BRF2: variants seen among roughly 807,000 people sequenced by gnomAD.
The protein encoded by BRF2 is transcription factor IIIB 50 kDa subunit.
A neutral mutation model predicts 26.6 loss-of-function variants in BRF2; 17 were observed. The ratio of observed to expected loss-of-function variants is 0.64; its 90% CI spans 0.44 to 0.96. The LOEUF is 0.96. BRF2 is among the 40% of genes least tolerant of loss of function. The pLI is 0.00. For missense variants in BRF2, 515 were observed against 537.0 expected (o/e 0.96, Z 0.40); for synonymous variants, 219 against 226.6 (o/e 0.97, Z 0.30).
intron 2 of BRF2, among the ~76,000 whole-genome samples, chr8:37,848,395 T>C (rs1806003915): frequency 6.6e-6 from 1 of 152,042 alleles, no homozygotes; most frequent in Non-Finnish European, 1.5e-5. Context: ...TACAGGTACA[T>C]GCCACCATGC....
rs1375314767 is a variant in BRF2, at chr8:37,844,866, T to C, written c.884A>G (p.Lys295Arg). 5 of 1,614,196 alleles carry C rather than the reference T, an allele frequency of 3.1e-6. 1 individual carries two copies. The South Asian group carries it at 5.5e-5, about 18-fold the overall frequency. Reference protein sequence around the residue: ...VLRLDKRSVVKHIGDLLQHRQ... With the variant: ...VLRLDKRSVVRHIGDLLQHRQ... ...GTGCTGGAGAAGGTCACCGATGTGC[T>C]TCACCACAGACCGTTTGTCAAGTCT... The change falls in exon 4 of 4, where the codon AAG (lysine) becomes AGG (arginine). Residue 295 changes from lysine (K) to arginine (R), a missense_variant. Coordinates refer to ENST00000220659, the MANE Select transcript of BRF2 (RefSeq NM_018310.4).
At chr8:37,845,888 CAG>C (rs1805947290) in intron 3 of BRF2, 2 of 577,740 alleles carry the variant, frequency 3.5e-6, no homozygotes, top group Non-Finnish European at 6.1e-6. Context: ...CCTGCTGAGA[CAG>C]AGCTGGGCAT....
At chr8:37,849,305 A>T (rs1806021380) in intron 1 of BRF2, among the ~76,000 whole-genome samples, 1 of 152,232 alleles carries the variant, frequency 6.6e-6, no homozygotes, top group African/African-American at 2.4e-5. Flanking sequence ...TTGTGCTTAA[A>T]ACTATTTCAG....
Position 37,848,597 on chromosome 8 carries a change from T to C in BRF2, c.213A>G (p.Arg71=). 2 of 1,614,054 alleles carry C rather than the reference T, an allele frequency of 1.2e-6. No individual in the cohort carries two copies. Among genetic ancestry groups the C allele is most frequent in the South Asian group, 2.2e-5 (2 of 91,082 alleles). Residue 71 remains arginine, a splice_region_variant and synonymous_variant, in exon 2 of 4, where the codon CGA becomes CGG. Transcript: ENST00000220659. The stretch of plus-strand genomic sequence containing the variant: ...GTGTTGTAAAAGGTCAATTCTCACC[T>C]CGTTGCTGGCTGCGACTAACTTGTT... ...ENEQVSRSQQ[R]GLRRVRDLCR... is the part of the protein sequence containing the mutation.
In BRF2 at chr8:37,849,810, A is replaced by C. The variant is rs763864692; in HGVS notation, c.-27T>G. On this transcript the variant is annotated 5_prime_UTR_variant, in exon 1 of 4. Transcript: ENST00000220659. The stretch of plus-strand genomic sequence containing the variant: ...TCACAACCGGCCCCAAAGCCGCGGA[A>C]GCCTTCAGAGACTCCTGGGTCTGCA... 10 of 1,583,234 alleles carry C rather than the reference A, an allele frequency of 6.3e-6. No homozygotes were observed. The highest frequency in any genetic ancestry group is 1.8e-5 in the Admixed American group (1 of 55,900).
At chr8:37,845,312 C>T in intron 3 of BRF2, 99 bp from the exon 4 acceptor site, 5 of 940,420 alleles carry the variant, frequency 5.3e-6, no homozygotes, top group Non-Finnish European at 8.3e-6. Context: ...GCTATTCTGC[C>T]CTCAGGAATA....
In BRF2 at chr8:37,844,553, A is replaced by G; in HGVS notation, c.1197T>C (p.Val399=). The G allele has an allele frequency of 6.2e-7, 1 of 1,613,950 alleles. No individual in the cohort carries two copies. Among genetic ancestry groups the G allele is most frequent in the East Asian group, 2.2e-5 (1 of 44,876 alleles). ...CAGCCTGGGCTCTCTGAAAGTCCCTAACTTCCTGAGGGGTACGCAAATACT... is the reference window on the plus strand; with the variant it reads ...CAGCCTGGGCTCTCTGAAAGTCCCTGACTTCCTGAGGGGTACGCAAATACT... ...IEQYLRTPQE[V]RDFQRAQAAR... is the part of the protein sequence containing the mutation. The change falls in exon 4 of 4, where the codon GTT becomes GTC. Residue 399 remains valine (V), a synonymous_variant. Transcript: ENST00000220659.
chr8:37,845,882 C>T, intron 3 of BRF2: 1 of 582,448 alleles, frequency 1.7e-6, no homozygotes, highest in East Asian at 2.9e-5. Flanking sequence ...GATGATCCTG[C>T]TGAGACAGAG....
chr8:37,849,446 A>G (rs1806023280), intron 1 of BRF2, among the ~76,000 whole-genome samples, 184 bp downstream of exon 1: 1 of 152,224 alleles, frequency 6.6e-6, no homozygotes, highest in African/African-American at 2.4e-5. Context: ...CCCGATACTA[A>G]GTGCTGGGAA....
chr8:37,847,372 G>A, intron 2 of BRF2, 197 bp from the exon 3 acceptor site: 1 of 686,302 alleles, frequency 1.5e-6, no homozygotes, highest in South Asian at 1.5e-5. Flanking sequence ...GTGTAAAGAA[G>A]TCACATTTCA....
At chr8:37,847,232 T>C (rs968792767) in intron 2 of BRF2, 57 bp from the exon 3 acceptor site, 1 of 1,504,916 alleles carries the variant, frequency 6.6e-7, no homozygotes, top group African/African-American at 1.4e-5. Context: ...GTGCAACTCC[T>C]AGAAAATTCT....
chr8:37,846,783 G>T, intron 3 of BRF2, 71 bp downstream of exon 3: 3 of 1,107,306 alleles, frequency 2.7e-6, no homozygotes, highest in Non-Finnish European at 3.9e-6. Context: ...AAAAGAGATG[G>T]CCAAAGGTCA....
chr8:37,849,584 T>C (rs1249828618), intron 1 of BRF2, 46 bp downstream of exon 1: 1 of 1,516,796 alleles, frequency 6.6e-7, no homozygotes, highest in East Asian at 2.3e-5. Context: ...AGGAATCTGA[T>C]GTTAATCCCT....
intron 2 of BRF2, among the ~76,000 whole-genome samples, chr8:37,847,636 T>C (rs1314512517): frequency 6.6e-6 from 1 of 152,170 alleles, no homozygotes; most frequent in Non-Finnish European, 1.5e-5. Context: ...TTTAAGTGAT[T>C]CTCCTGCCTC....
Position 37,849,738 on chromosome 8 carries a change from C to T in BRF2, c.46G>A (p.Val16Met), listed in dbSNP as rs760476043. 6.2e-7 allele frequency: 1 copy of T among 1,613,390 alleles called. No individual in the cohort carries two copies. Among genetic ancestry groups the T allele is most frequent in the Non-Finnish European group, 8.5e-7 (1 of 1,179,962 alleles). Residue 16 changes from valine (V) to methionine (M), a missense_variant, in exon 1 of 4, where the codon GTG becomes ATG. Transcript: ENST00000220659. ...RCPDCGSTELVEDSHYSQSQL... is the reference protein window; with the variant it reads ...RCPDCGSTELMEDSHYSQSQL... ...CTCTGCGAATAGTGCGAGTCTTCCA[C>T]CAGCTCCGTGGAGCCGCAGTCCGGG...
intron 3 of BRF2, among the ~76,000 whole-genome samples, chr8:37,846,483 G>A (rs1043459813): frequency 7.9e-5 from 12 of 151,984 alleles, no homozygotes; most frequent in African/African-American, 2.4e-4. Flanking sequence ...GGCCGGGTGC[G>A]GTGGCTCACG....
At position 37,845,208 on chromosome 8, in the gene BRF2, T is replaced by A; in HGVS notation, c.542A>T (p.Lys181Ile). 6.2e-7 allele frequency: 1 copy of A among 1,607,750 alleles called. No homozygotes were observed. Among genetic ancestry groups the A allele is most frequent in the Non-Finnish European group, 8.5e-7 (1 of 1,175,346 alleles). ...ELVKTYCSSF[K>I]LFQASPSVPA... is the part of the protein sequence containing the mutation. ...CACAGAAGGTGAAGCTTGGAACAGT[T>A]TGAAGCTGAAATAACCAAAATGAGG... is the stretch of plus-strand genomic sequence containing the variant. The change falls in exon 4 of 4, where the codon AAA becomes ATA. Residue 181 changes from lysine to isoleucine, a missense_variant. Lys to Ile is a moderately radical substitution (Grantham distance 102). Transcript: ENST00000220659.
rs1392978419 is a variant in BRF2, at chr8:37,844,416, A to C, written c.*74T>G. 12 of 1,556,948 alleles carry C rather than the reference A, an allele frequency of 7.7e-6. No individual in the cohort carries two copies. Among genetic ancestry groups the C allele is most frequent in the Non-Finnish European group, 1.0e-5 (12 of 1,146,574 alleles). ...AAGCAATACCTACGGACTGGTGTAC[A>C]CTTCCATCCTTGGTTATAACAGGAA... is the stretch of plus-strand genomic sequence containing the variant. On this transcript the variant is annotated 3_prime_UTR_variant, in exon 4 of 4. Coordinates refer to ENST00000220659, the MANE Select transcript of BRF2 (RefSeq NM_018310.4).
Position 37,847,115 on chromosome 8 carries a change from G to A in BRF2, c.275C>T (p.Thr92Ile), listed in dbSNP as rs771802301. The change falls in exon 3 of 4, where the codon ACC becomes ATC. Residue 92 changes from threonine to isoleucine, a missense_variant. Physicochemically the swap from Thr to Ile is moderately conservative, Grantham distance 89. Transcript: ENST00000220659. ...VLQLPPTFEDTAVAYYQQAYR... is the reference protein window; with the variant it reads ...VLQLPPTFEDIAVAYYQQAYR... ...TGCCTGTTGGTAGTAGGCAACCGCG[G>A]TATCCTCAAATGTTGGTGGCAACTG... 9.3e-6 allele frequency: 15 copies of A among 1,614,044 alleles called. No individual in the cohort carries two copies. Among genetic ancestry groups the A allele is most frequent in the South Asian group, 6.6e-5 (6 of 91,082 alleles).
Sources: gnomAD v4.1 joint callset for allele counts (sites outside exome capture counted in the v4.1 genomes callset) on GRCh38, gnomAD v4.1.1 for gene constraint, MANE v1.5 for transcripts, NCBI Gene and HGNC (gene_info 2026-07-23, HGNC 2026-07-21) for gene names.